The following CDH12 variants were observed in gnomAD, a reference collection of about 807,000 sequenced individuals.
CDH12 encodes the protein cadherin-12.
CDH12 carries 41 observed loss-of-function variants against 74.1 expected under a neutral mutation model. The observed-to-expected ratio is 0.55, with a 90% confidence interval of 0.43 to 0.72. The LOEUF (loss-of-function observed/expected upper bound fraction) is 0.72. Ranked by LOEUF, CDH12 falls within the 30% of genes least tolerant of loss-of-function variation. The probability of loss-of-function intolerance (pLI) is 0.00; values close to 1 mark genes in which losing one functional copy is unlikely to be tolerated. For synonymous variants in CDH12, 399 were observed against 355.0 expected (o/e 1.12, Z -1.39); for missense variants, 945 against 977.2 (o/e 0.97, Z 0.44).
Position 21,939,760 on chromosome 5 carries a change from A to G in CDH12, c.526+35331T>C, listed in dbSNP as rs182436223. On this transcript the variant is annotated intron_variant, in intron 6 of 14. Transcript: ENST00000382254. ...CTCTGAAAACCTGAATAGGTATTCA[A>G]CTGTTGATTCTGAGTATTTACAGAA... is the stretch of plus-strand genomic sequence containing the variant. Among the ~76,000 whole-genome samples the G allele has an allele frequency of 3.1e-3, 465 of 152,330 alleles. 3 individuals carry two copies. The highest frequency in any genetic ancestry group is 0.01 in the African/African-American group (430 of 41,574).
chr5:21,923,148 T>C (rs1478223337), intron 6 of CDH12, among the ~76,000 whole-genome samples: 1 of 152,088 alleles, frequency 6.6e-6, no homozygotes, highest in Admixed American at 6.5e-5. Flanking sequence ...ATCTATACTA[T>C]AATGGTGGTG....
chr5:22,595,999 T>G (rs1736585918), intron 1 of CDH12, among the ~76,000 whole-genome samples: 1 of 151,358 alleles, frequency 6.6e-6, no homozygotes, highest in Admixed American at 6.6e-5. Context: ...TCCCAGCTAC[T>G]CAGGAGGCTG....
At chr5:22,679,634 A>G (rs1423660179) in intron 1 of CDH12, among the ~76,000 whole-genome samples, 1 of 152,094 alleles carries the variant, frequency 6.6e-6, no homozygotes, top group Non-Finnish European at 1.5e-5. Flanking sequence ...TATTGTCCAT[A>G]TATTATTTAA....
intron 1 of CDH12, among the ~76,000 whole-genome samples, chr5:22,613,708 T>G (rs187772198): frequency 6.6e-6 from 1 of 152,096 alleles, no homozygotes; most frequent in African/African-American, 2.4e-5. Flanking sequence ...AAAATCTAAC[T>G]TGGCAAGGAA....
intron 1 of CDH12, among the ~76,000 whole-genome samples, chr5:22,817,035 G>T (rs556675743): frequency 1.5e-4 from 23 of 152,116 alleles, no homozygotes; most frequent in African/African-American, 5.5e-4. Flanking sequence ...CATCTAAATT[G>T]ATCTCCCTAT....
intron 2 of CDH12, among the ~76,000 whole-genome samples, chr5:22,490,132 ATTG>A (rs1746798966): frequency 6.6e-6 from 1 of 152,188 alleles, no homozygotes; most frequent in Admixed American, 6.5e-5. Context: ...TGACAAATAT[ATTG>A]TTTTCACCTT....
chr5:22,008,538 C>T (rs1449672744), intron 5 of CDH12, among the ~76,000 whole-genome samples: 1 of 152,060 alleles, frequency 6.6e-6, no homozygotes, highest in African/African-American at 2.4e-5. Flanking sequence ...TTACAAGCTC[C>T]TTAAGTTGTA....
At chr5:22,576,148 C>T (rs945249841) in intron 1 of CDH12, among the ~76,000 whole-genome samples, 2 of 152,176 alleles carry the variant, frequency 1.3e-5, no homozygotes, top group African/African-American at 2.4e-5. Context: ...AAAGTTAACG[C>T]CTATTATAAC....
At chr5:22,498,813 TTAA>T (rs1747210990) in intron 2 of CDH12, among the ~76,000 whole-genome samples, 2 of 151,216 alleles carry the variant, frequency 1.3e-5, no homozygotes, top group South Asian at 4.1e-4. Flanking sequence ...TTATTTTCAT[TTAA>T]TAATTATTAC....
At chr5:21,908,332 G>C (rs903303427) in intron 6 of CDH12, among the ~76,000 whole-genome samples, 1 of 152,138 alleles carries the variant, frequency 6.6e-6, no homozygotes, top group Non-Finnish European at 1.5e-5. Context: ...ATCCAAACTC[G>C]TTTTAAAAAC....
At chr5:22,125,571 T>C (rs1745808256) in intron 4 of CDH12, among the ~76,000 whole-genome samples, 1 of 152,212 alleles carries the variant, frequency 6.6e-6, no homozygotes, top group South Asian at 2.1e-4. Context: ...GGCTTAGCCG[T>C]CTCTGCTGGT....
At chr5:21,841,570 G>A (rs1749854239) in intron 8 of CDH12, among the ~76,000 whole-genome samples, 1 of 149,262 alleles carries the variant, frequency 6.7e-6, no homozygotes, top group Middle Eastern at 3.2e-3. Flanking sequence ...TATGTTTATT[G>A]CGGCACTATT....
intron 6 of CDH12, chr5:21,889,586 T>C (rs1752803032): frequency 2.0e-6 from 2 of 985,386 alleles, no homozygotes; most frequent in Non-Finnish European, 2.4e-6. Flanking sequence ...ATATTTTACC[T>C]AAAGAAGCCT....
intron 6 of CDH12, among the ~76,000 whole-genome samples, chr5:21,925,154 C>T (rs1042416253): frequency 3.5e-4 from 54 of 152,262 alleles, no homozygotes; most frequent in Admixed American, 1.6e-3. Context: ...GAGGCTAGAT[C>T]CACATTGCTT....
intron 2 of CDH12, among the ~76,000 whole-genome samples, chr5:22,457,642 G>A (rs1460811141): frequency 2.2e-5 from 3 of 138,502 alleles, no homozygotes; most frequent in East Asian, 2.1e-4. Context: ...GCAGTGGTGC[G>A]ATCTTGGCTC....
At chr5:21,804,689 C>A (rs937544947) in intron 9 of CDH12, among the ~76,000 whole-genome samples, 6 of 137,276 alleles carry the variant, frequency 4.4e-5, no homozygotes, top group African/African-American at 1.7e-4. Context: ...CACACACACA[C>A]ACACATAGAT....
rs542888036 is a variant in CDH12 at position 21,870,421 on chromosome 5, A to C, written c.527-15631T>G. ...GATAGAATTAAAATGGCAGAAAAAA[A>C]GTGATTTCCACATGAGTGTGCATTC... On this transcript the variant is annotated intron_variant, in intron 6 of 14. Transcript: ENST00000382254. Among the ~76,000 whole-genome samples, 308 of 152,278 alleles carry C rather than the reference A, an allele frequency of 2.0e-3. 1 individual carries two copies. The highest frequency in any genetic ancestry group is 7.2e-3 in the African/African-American group (299 of 41,550).
At chr5:21,753,506 A>T (rs549195130) in intron 14 of CDH12, among the ~76,000 whole-genome samples, 22 of 152,318 alleles carry the variant, frequency 1.4e-4, no homozygotes, top group African/African-American at 3.6e-4. Context: ...AACTAGCTGG[A>T]TGTGCCTGAG....
rs551078116 is a variant in CDH12, at chr5:21,949,513, C to G, written c.526+25578G>C. Among the ~76,000 whole-genome samples the G allele has an allele frequency of 3.3e-5, 5 of 151,230 alleles. No individual in the cohort carries two copies. In the South Asian group the frequency reaches 1.0e-3, roughly 32 times the overall value. ...AGCCTCACAGTGGTCCTTCACGAGG[C>G]ATTTCAGAGGGCATTGTTATGATAG... On this transcript the variant is annotated intron_variant, in intron 6 of 14. Coordinates refer to ENST00000382254, the MANE Select transcript of CDH12 (RefSeq NM_004061.5).
Sources: gnomAD v4.1 joint callset for allele counts (sites outside exome capture counted in the v4.1 genomes callset) on GRCh38, gnomAD v4.1.1 for gene constraint, MANE v1.5 for transcripts, NCBI Gene and HGNC (gene_info 2026-07-23, HGNC 2026-07-21) for gene names.